Variants in PPP4R4 observed in about 807,000 individuals in gnomAD.
PPP4R4 encodes serine/threonine-protein phosphatase 4 regulatory subunit 4.
Under a neutral mutation model 121.8 loss-of-function variants are expected in PPP4R4, and 70 were observed. That is an observed-to-expected ratio of 0.57 (90% CI 0.47 to 0.70). PPP4R4 has a LOEUF of 0.70. Among genes scored for constraint, PPP4R4 ranks in the 30% least tolerant of loss-of-function variants. The pLI is 0.00. For missense variants in PPP4R4, 875 were observed against 1,033.6 expected (o/e 0.85, Z 2.10); for synonymous variants, 348 against 355.7 (o/e 0.98, Z 0.24).
intron 2 of PPP4R4, among the ~76,000 whole-genome samples, chr14:94,201,802 A>G (rs1455584092): frequency 1.3e-5 from 2 of 152,096 alleles, no homozygotes; most frequent in Admixed American, 6.6e-5. Context: ...GTCTACCCAG[A>G]GGAAAAGAAG....
At chr14:94,245,692 C>T (rs759041263) in intron 13 of PPP4R4, 22 bp downstream of exon 13, 2 of 1,488,606 alleles carry the variant, frequency 1.3e-6, no homozygotes, top group East Asian at 2.3e-5. Flanking sequence ...CTTTCAGAAA[C>T]ATTCTGAGTT....
intron 2 of PPP4R4, among the ~76,000 whole-genome samples, chr14:94,198,741 G>A (rs534403444): frequency 4.6e-5 from 7 of 152,148 alleles, no homozygotes; most frequent in South Asian, 4.2e-4. Context: ...GTTTGTATAC[G>A]GCTATTTAAT....
intron 8 of PPP4R4, among the ~76,000 whole-genome samples, chr14:94,240,141 T>C (rs1892551083): frequency 6.6e-6 from 1 of 152,196 alleles, no homozygotes; most frequent in Non-Finnish European, 1.5e-5. Flanking sequence ...GCAGATGTAC[T>C]CAAATAATTG....
chr14:94,251,257 C>T (rs1260760379), intron 15 of PPP4R4, among the ~76,000 whole-genome samples: 2 of 151,832 alleles, frequency 1.3e-5, no homozygotes, highest in African/African-American at 4.8e-5. Context: ...TTTAAGGAAA[C>T]AAAGGGAAGA....
chr14:94,268,989 C>T (rs917911565), intron 23 of PPP4R4, among the ~76,000 whole-genome samples: 1 of 151,978 alleles, frequency 6.6e-6, no homozygotes, highest in Non-Finnish European at 1.5e-5. Context: ...TGAGGGAGAA[C>T]TGTAGGTTGA....
At chr14:94,215,425 A>C (rs73342885) in intron 3 of PPP4R4, among the ~76,000 whole-genome samples, 4,710 of 152,286 alleles carry the variant, frequency 0.031, 200 homozygotes, top group African/African-American at 0.09. Flanking sequence ...TGTCTTCCTC[A>C]CTGAAGATGA....
chr14:94,180,382 C>T (rs1888909176), intron 2 of PPP4R4, among the ~76,000 whole-genome samples: 1 of 152,126 alleles, frequency 6.6e-6, no homozygotes, highest in African/African-American at 2.4e-5. Context: ...ATAGTAAGGT[C>T]AGCCTGTTGA....
chr14:94,228,464 A>C (rs1891840976), intron 3 of PPP4R4, among the ~76,000 whole-genome samples: 1 of 152,172 alleles, frequency 6.6e-6, no homozygotes, highest in South Asian at 2.1e-4. Context: ...CACTGTGCTG[A>C]ATCAAGAAGA....
chr14:94,237,635 C>A lies in PPP4R4; in HGVS notation c.802C>A (p.Arg268=). The A allele has an allele frequency of 1.2e-6, 2 of 1,611,502 alleles. No individual in the cohort carries two copies. The highest frequency in any genetic ancestry group is 2.2e-5 in the East Asian group (1 of 44,844). ...TTCTAGGGATGAAGGCAGCAGTGTA[C>A]GACTTGCAGCTTTTGAAACTTTGGT... ...ELSRDEGSSV[R]LAAFETLVNL... is the part of the protein sequence containing the mutation. Residue 268 remains arginine, a synonymous_variant, in exon 8 of 25, where the codon CGA becomes AGA. Transcript: ENST00000304338.
chr14:94,246,744 G>C (rs1892915737), intron 14 of PPP4R4, among the ~76,000 whole-genome samples: 1 of 152,070 alleles, frequency 6.6e-6, no homozygotes, highest in African/African-American at 2.4e-5. Flanking sequence ...CTTCTCTCTA[G>C]CTGGAGAGAG....
chr14:94,278,539 C>A, intron 24 of PPP4R4, 80 bp from the exon 25 acceptor site: 1 of 827,438 alleles, frequency 1.2e-6, no homozygotes. Flanking sequence ...TAACATTTTT[C>A]ATATTTTTTT....
At chr14:94,191,621 T>C (rs972237162) in intron 2 of PPP4R4, among the ~76,000 whole-genome samples, 3 of 152,148 alleles carry the variant, frequency 2.0e-5, no homozygotes, top group African/African-American at 7.2e-5. Flanking sequence ...TATAAATTGT[T>C]GAAGAGCCAC....
chr14:94,249,532 A>AT (rs1319361628), intron 14 of PPP4R4, among the ~76,000 whole-genome samples: 4 of 152,040 alleles, frequency 2.6e-5, no homozygotes, highest in Admixed American at 2.0e-4. Flanking sequence ...TGGTTGAGAG[A>AT]TTTTTCTCTA....
chr14:94,246,477 A>T lies in PPP4R4; in HGVS notation c.1549A>T (p.Ile517Leu). 3.1e-6 allele frequency: 5 copies of T among 1,614,110 alleles called. No individual in the cohort carries two copies. The highest frequency in any genetic ancestry group is 4.2e-6 in the Non-Finnish European group (5 of 1,179,968). Residue 517 changes from isoleucine to leucine, a missense_variant, in exon 14 of 25, where the codon ATA becomes TTA. Ile to Leu is a conservative substitution (Grantham distance 5). Transcript: ENST00000304338. Reference sequence around the variant, plus strand: ...GAAATATGCCTGCCTGCCACATGTCATATCAAGCGATCAGATTTATTACCG... The same window carrying T: ...GAAATATGCCTGCCTGCCACATGTCTTATCAAGCGATCAGATTTATTACCG... ...LQKYACLPHVISSDQIYYRFL... is the reference protein window; with the variant it reads ...LQKYACLPHVLSSDQIYYRFL...
At chr14:94,184,308 GA>G (rs1245992683) in intron 2 of PPP4R4, among the ~76,000 whole-genome samples, 3 of 152,056 alleles carry the variant, frequency 2.0e-5, no homozygotes, top group Non-Finnish European at 4.4e-5. Context: ...TCCCAGGCTG[GA>G]GTGCAGTGGT....
intron 16 of PPP4R4, among the ~76,000 whole-genome samples, chr14:94,255,673 T>C (rs983609550): frequency 6.6e-6 from 1 of 152,152 alleles, no homozygotes; most frequent in Non-Finnish European, 1.5e-5. Context: ...TCTGGTTCAA[T>C]GTACCATCAT....
chr14:94,226,544 A>T (rs1209381707), intron 3 of PPP4R4, among the ~76,000 whole-genome samples: 2 of 152,078 alleles, frequency 1.3e-5, no homozygotes, highest in Admixed American at 6.5e-5. Flanking sequence ...GTATCTTAGA[A>T]CCTGGCATAT....
chr14:94,241,996 T>G, intron 10 of PPP4R4, 39 bp downstream of exon 10: 1 of 1,522,610 alleles, frequency 6.6e-7, no homozygotes, highest in Middle Eastern at 1.8e-4. Context: ...GGATTTTTAT[T>G]ATAACTTTAA....
At chr14:94,233,068 A>G (rs1444742815) in intron 5 of PPP4R4, among the ~76,000 whole-genome samples, 1 of 151,964 alleles carries the variant, frequency 6.6e-6, no homozygotes, top group Non-Finnish European at 1.5e-5. Context: ...AAAAAAAAAA[A>G]AAGAGAAATA....
Sources: allele counts gnomAD v4.1 joint callset (sites outside exome capture counted in the v4.1 genomes callset), GRCh38; gene constraint gnomAD v4.1.1; transcripts MANE v1.5; gene names NCBI Gene and HGNC (gene_info 2026-07-23, HGNC 2026-07-21).